Variants in F2RL1 observed in about 807,000 individuals in gnomAD.
F2RL1 encodes proteinase-activated receptor 2.
Under a neutral mutation model 21.7 loss-of-function variants are expected in F2RL1, and 16 were observed. The ratio of observed to expected loss-of-function variants is 0.74; its 90% CI spans 0.50 to 1.12. The LOEUF (loss-of-function observed/expected upper bound fraction) is 1.12. Ranked by LOEUF, F2RL1 falls within the 50% of genes most tolerant of loss-of-function variation. F2RL1 has a pLI of 0.00. For synonymous variants in F2RL1, 181 were observed against 186.7 expected, an observed-to-expected ratio of 0.97 and a Z score of 0.25; for missense variants, 432 against 477.8, an observed-to-expected ratio of 0.90 and a Z score of 0.89.
chr5:76,821,724 C>T (rs963690582), intron 1 of F2RL1, among the ~76,000 whole-genome samples: 1 of 151,326 alleles, frequency 6.6e-6, no homozygotes, highest in African/African-American at 2.4e-5. Context: ...GGACGACAGG[C>T]ACGCACCACC....
intron 1 of F2RL1, among the ~76,000 whole-genome samples, chr5:76,828,629 G>T (rs1257525702): frequency 1.3e-5 from 2 of 150,594 alleles, no homozygotes; most frequent in African/African-American, 4.9e-5. Context: ...AGGACTACAG[G>T]TGTGCGCCAC....
At chr5:76,826,235 C>T (rs928885391) in intron 1 of F2RL1, among the ~76,000 whole-genome samples, 6 of 152,082 alleles carry the variant, frequency 3.9e-5, no homozygotes, top group Non-Finnish European at 7.4e-5. Context: ...ATACAATTCA[C>T]CCCTTTAAAC....
chr5:76,823,224 A>C (rs2243020), intron 1 of F2RL1, among the ~76,000 whole-genome samples: 82,607 of 149,134 alleles, frequency 0.55, 23,520 homozygotes, highest in South Asian at 0.72. Context: ...AGTGAGACTC[A>C]GTCTCAAAAA....
At chr5:76,819,719 T>A (rs1303140948) in intron 1 of F2RL1, among the ~76,000 whole-genome samples, 2 of 151,590 alleles carry the variant, frequency 1.3e-5, no homozygotes, top group African/African-American at 4.8e-5. Flanking sequence ...GCGGGGCCGG[T>A]GGGGTTAGCG....
intron 1 of F2RL1, among the ~76,000 whole-genome samples, chr5:76,832,487 CT>C: frequency 6.6e-6 from 1 of 152,138 alleles, no homozygotes; most frequent in East Asian, 1.9e-4. Flanking sequence ...TGTGGCCTGG[CT>C]GTTTAGGAGG....
At chr5:76,831,519 G>A (rs1054575372) in intron 1 of F2RL1, among the ~76,000 whole-genome samples, 12 of 148,848 alleles carry the variant, frequency 8.1e-5, no homozygotes, top group Non-Finnish European at 1.2e-4. Context: ...AGGAATTACT[G>A]CACATTCCTA....
Position 76,833,155 on chromosome 5 carries a change from A to C in F2RL1, c.548A>C (p.His183Pro). 2 of 1,614,058 alleles carry C rather than the reference A, an allele frequency of 1.2e-6. No homozygotes were observed. Among genetic ancestry groups the C allele is most frequent in the South Asian group, 2.2e-5 (2 of 91,068 alleles). The stretch of plus-strand genomic sequence containing the variant: ...TGGGTCATCGTGAACCCCATGGGGC[A>C]CTCCAGGAAGAAGGCAAACATTGCC... ...RYWVIVNPMGHSRKKANIAIG... is the reference protein window; with the variant it reads ...RYWVIVNPMGPSRKKANIAIG... Residue 183 changes from histidine to proline, a missense_variant, in exon 2 of 2, where the codon CAC (histidine) becomes CCC (proline). Transcript: ENST00000296677.
At chr5:76,822,054 T>C (rs955247077) in intron 1 of F2RL1, among the ~76,000 whole-genome samples, 1 of 152,330 alleles carries the variant, frequency 6.6e-6, no homozygotes, top group Admixed American at 6.5e-5. Context: ...ATGCACAAAA[T>C]ATGTATTCAC....
At chr5:76,820,140 C>T (rs1580929244) in intron 1 of F2RL1, among the ~76,000 whole-genome samples, 2 of 152,132 alleles carry the variant, frequency 1.3e-5, no homozygotes, top group East Asian at 3.9e-4. Flanking sequence ...AGCACTTGCG[C>T]CCGGCCGTCG....
chr5:76,819,709 G>T (rs1750093697), intron 1 of F2RL1, among the ~76,000 whole-genome samples: 2 of 152,084 alleles, frequency 1.3e-5, no homozygotes, highest in South Asian at 4.1e-4. Flanking sequence ...CGCTGGCCCC[G>T]CGGGGCCGGT....
chr5:76,828,072 G>T (rs968093499), intron 1 of F2RL1, among the ~76,000 whole-genome samples: 1 of 152,012 alleles, frequency 6.6e-6, no homozygotes, highest in Non-Finnish European at 1.5e-5. Flanking sequence ...CGGTTCAAAT[G>T]ATTCTCCTGT....
chr5:76,828,810 A>G (rs538202250), intron 1 of F2RL1, among the ~76,000 whole-genome samples: 2 of 151,984 alleles, frequency 1.3e-5, no homozygotes, highest in African/African-American at 2.4e-5. Flanking sequence ...TCAAATTTCT[A>G]ATTGTCTTAT....
In F2RL1 at chr5:76,833,225, C is replaced by G; in HGVS notation, c.618C>G (p.Thr206=). The G allele has an allele frequency of 3.1e-6, 5 of 1,613,888 alleles. No individual in the cohort carries two copies. The highest frequency in any genetic ancestry group is 4.2e-6 in the Non-Finnish European group (5 of 1,179,968). Residue 206 remains threonine, a synonymous_variant, in exon 2 of 2, where the codon ACC becomes ACG. Transcript: ENST00000296677. ...TATGGCTGCTGATTCTGCTGGTCAC[C>G]ATTCCTTTGTATGTCGTGAAGCAGA... ...LAIWLLILLV[T]IPLYVVKQTI...
chr5:76,821,031 G>C (rs959899635), intron 1 of F2RL1, among the ~76,000 whole-genome samples: 1 of 151,950 alleles, frequency 6.6e-6, no homozygotes, highest in African/African-American at 2.4e-5. Flanking sequence ...TTGCTCACTC[G>C]CTTTTTAGCC....
rs1259619109 is a variant in F2RL1 at position 76,833,088 on chromosome 5, T to C, written c.481T>C (p.Cys161Arg). The change falls in exon 2 of 2, where the codon TGT becomes CGT. Residue 161 changes from cysteine (C) to arginine (R), a missense_variant. Physicochemically the swap from Cys to Arg is radical, Grantham distance 180. Coordinates refer to ENST00000296677, the MANE Select transcript of F2RL1 (RefSeq NM_005242.6). ...TGGCTTTTTCTATGGCAACATGTACTGTTCCATTCTCTTCATGACCTGCCT... is the reference window on the plus strand; with the variant it reads ...TGGCTTTTTCTATGGCAACATGTACCGTTCCATTCTCTTCATGACCTGCCT... ...LIGFFYGNMY[C>R]SILFMTCLSV... 1 of 1,614,234 alleles carries C rather than the reference T, an allele frequency of 6.2e-7. No homozygotes were observed. Among genetic ancestry groups the C allele is most frequent in the Admixed American group, 1.7e-5 (1 of 60,028 alleles).
chr5:76,825,150 G>A (rs2243032), intron 1 of F2RL1, among the ~76,000 whole-genome samples: 1,827 of 151,958 alleles, frequency 0.012, 48 homozygotes, highest in African/African-American at 0.042. Context: ...GGGACTACAG[G>A]CGCGTGCACT....
intron 1 of F2RL1, among the ~76,000 whole-genome samples, chr5:76,821,988 A>G (rs1750144425): frequency 6.6e-6 from 1 of 152,228 alleles, no homozygotes; most frequent in South Asian, 2.1e-4. Flanking sequence ...CTTCAGTACC[A>G]AAGTAGCCAC....
intron 1 of F2RL1, among the ~76,000 whole-genome samples, chr5:76,830,948 G>A (rs184677879): frequency 3.7e-4 from 56 of 152,162 alleles, no homozygotes; most frequent in African/African-American, 1.3e-3. Context: ...ATATCCCCCT[G>A]GTATACGGCA....
intron 1 of F2RL1, among the ~76,000 whole-genome samples, chr5:76,831,675 A>C (rs1230547762): frequency 2.0e-5 from 3 of 151,796 alleles, no homozygotes; most frequent in Non-Finnish European, 4.4e-5. Context: ...CTGGGATTAC[A>C]GGCGCCTGCG....
Sources: gnomAD v4.1 joint callset for allele counts (sites outside exome capture counted in the v4.1 genomes callset) on GRCh38, gnomAD v4.1.1 for gene constraint, MANE v1.5 for transcripts, NCBI Gene and HGNC (gene_info 2026-07-23, HGNC 2026-07-21) for gene names.